CREB5: variants seen among roughly 807,000 people sequenced by gnomAD.
CREB5 encodes cyclic AMP-responsive element-binding protein 5.
A neutral mutation model predicts 57.1 loss-of-function variants in CREB5; 19 were observed. The observed-to-expected ratio is 0.33, with a 90% CI of 0.23 to 0.49. The LOEUF (loss-of-function observed/expected upper bound fraction) is 0.49, where lower values mean the gene tolerates loss of function less well. CREB5 is among the 20% of genes least tolerant of loss of function. CREB5 has a pLI of 0.99. For synonymous variants in CREB5, 238 were observed against 238.3 expected (o/e 1.00, Z 0.01); for missense variants, 579 against 671.6 (o/e 0.86, Z 1.52).
intron 5 of CREB5, among the ~76,000 whole-genome samples, chr7:28,591,054 C>T (rs1165707189): frequency 6.6e-6 from 1 of 152,124 alleles, no homozygotes; most frequent in Non-Finnish European, 1.5e-5. Context: ...CCCTGTTCCC[C>T]ACTGTTTTAA....
intron 5 of CREB5, among the ~76,000 whole-genome samples, chr7:28,604,186 T>G (rs916118786): frequency 6.6e-6 from 1 of 152,164 alleles, no homozygotes; most frequent in African/African-American, 2.4e-5. Context: ...CAAGAACTAT[T>G]TGTGAAGTAT....
intron 5 of CREB5, 80 bp downstream of exon 5, chr7:28,570,617 C>T: frequency 6.6e-7 from 1 of 1,505,756 alleles, no homozygotes; most frequent in Non-Finnish European, 9.0e-7. Context: ...GTTTCTGGTG[C>T]TCAGATTGGT....
chr7:28,575,546 A>G (rs780360530), intron 5 of CREB5, among the ~76,000 whole-genome samples: 1 of 152,218 alleles, frequency 6.6e-6, no homozygotes, highest in Non-Finnish European at 1.5e-5. Context: ...CCACAGGCTA[A>G]TGCTGGGGAT....
At chr7:28,322,426 T>C (rs1785509837) in intron 1 of CREB5, among the ~76,000 whole-genome samples, 1 of 152,146 alleles carries the variant, frequency 6.6e-6, no homozygotes, top group African/African-American at 2.4e-5. Flanking sequence ...TTAAATTTAA[T>C]TTTTTTATTT....
rs769732103 is a variant in CREB5 at position 28,809,228 on chromosome 7, A to G, written c.1068A>G (p.Ile356Met). The G allele has an allele frequency of 1.2e-6, 2 of 1,614,028 alleles. No homozygotes were observed. Among genetic ancestry groups the G allele is most frequent in the Non-Finnish European group, 8.5e-7 (1 of 1,179,974 alleles). The change falls in exon 9 of 11, where the codon ATA becomes ATG. Residue 356 changes from isoleucine (I) to methionine (M), a missense_variant. Physicochemically the swap from Ile to Met is conservative, Grantham distance 10. Transcript: ENST00000357727. ...AACAGATGCAGCCAACCCAGACAAT[A>G]CAGCCACCCCAGCCCACAGGGGGGC... The part of the protein sequence containing the change: ...ATQQMQPTQT[I>M]QPPQPTGGRR...
At chr7:28,462,334 T>C (rs975028404) in intron 1 of CREB5, among the ~76,000 whole-genome samples, 1 of 152,238 alleles carries the variant, frequency 6.6e-6, no homozygotes, top group African/African-American at 2.4e-5. Flanking sequence ...ATTTGGGTTA[T>C]TTCTACTTTT....
At chr7:28,568,222 T>C (rs1239180148) in intron 4 of CREB5, among the ~76,000 whole-genome samples, 1 of 152,198 alleles carries the variant, frequency 6.6e-6, no homozygotes, top group African/African-American at 2.4e-5. Context: ...GAGAGTCATA[T>C]GTCTTATATT....
intron 5 of CREB5, among the ~76,000 whole-genome samples, chr7:28,689,909 GGTGTGTGTGTGTGTGT>G (rs34310030): frequency 7.1e-6 from 1 of 141,668 alleles, no homozygotes; most frequent in Non-Finnish European, 1.5e-5. Flanking sequence ...ACTTGTATTT[GGTGTGTGTGTGTGTGT>G]GTGTGTGTGT....
At chr7:28,605,206 AAG>A (rs1797084637) in intron 5 of CREB5, among the ~76,000 whole-genome samples, 1 of 152,240 alleles carries the variant, frequency 6.6e-6, no homozygotes, top group Non-Finnish European at 1.5e-5. Context: ...TGACAAGAAA[AAG>A]AAAGTATTCA....
chr7:28,320,803 T>G (rs1011002390), intron 1 of CREB5, among the ~76,000 whole-genome samples: 1 of 152,226 alleles, frequency 6.6e-6, no homozygotes, highest in Non-Finnish European at 1.5e-5. Flanking sequence ...AGACAATTCT[T>G]AAGTTAAGAA....
At chr7:28,324,516 C>T (rs531569768) in intron 1 of CREB5, among the ~76,000 whole-genome samples, 16 of 152,246 alleles carry the variant, frequency 1.1e-4, no homozygotes, top group African/African-American at 3.4e-4. Context: ...GTTTTTCTCC[C>T]ACCTCACTAG....
At chr7:28,348,868 C>G (rs1428328149) in intron 1 of CREB5, among the ~76,000 whole-genome samples, 1 of 152,186 alleles carries the variant, frequency 6.6e-6, no homozygotes, top group African/African-American at 2.4e-5. Flanking sequence ...GCCTGGCTCA[C>G]CAGGCAGCTG....
At chr7:28,750,599 A>G (rs556255304) in intron 7 of CREB5, among the ~76,000 whole-genome samples, 1 of 105,490 alleles carries the variant, frequency 9.5e-6, no homozygotes, top group South Asian at 2.9e-4. Flanking sequence ...TACGAAATAT[A>G]TCACTTTTTT....
chr7:28,819,177 G>T lies in CREB5; in HGVS notation c.1425G>T (p.Gln475His). ...CTTGCTCCCAGCAACAAGTCATCCA[G>T]CATAATACCATCACTACTTCCTCAT... ...VPACSQQQVI[Q>H]HNTITTSSSV... The change falls in exon 11 of 11, where the codon CAG becomes CAT. Residue 475 changes from glutamine (Q) to histidine (H), a missense_variant. Physicochemically the swap from Gln to His is conservative, Grantham distance 24. Coordinates refer to ENST00000357727, the MANE Select transcript of CREB5 (RefSeq NM_182898.4). The T allele has an allele frequency of 6.2e-7, 1 of 1,613,770 alleles. No individual in the cohort carries two copies. The highest frequency in any genetic ancestry group is 1.1e-5 in the South Asian group (1 of 91,066).
At chr7:28,417,106 T>C (rs1387185689) in intron 1 of CREB5, among the ~76,000 whole-genome samples, 1 of 152,162 alleles carries the variant, frequency 6.6e-6, no homozygotes, top group Non-Finnish European at 1.5e-5. Context: ...CTTCTCTGCC[T>C]CAGTTTCTTC....
At chr7:28,519,131 T>C (rs1372904034) in intron 4 of CREB5, among the ~76,000 whole-genome samples, 32 of 152,162 alleles carry the variant, frequency 2.1e-4, no homozygotes, top group Admixed American at 2.0e-3. Flanking sequence ...CAGAGACAAT[T>C]ACACCGTTGT....
At chr7:28,365,027 CCTGAATCTCAG>C (rs1786559003) in intron 1 of CREB5, among the ~76,000 whole-genome samples, 1 of 152,108 alleles carries the variant, frequency 6.6e-6, no homozygotes, top group Non-Finnish European at 1.5e-5. Context: ...CATTCAACAC[CCTGAATCTCAG>C]CTCCTTAGCT....
In CREB5 at chr7:28,745,018, GAA is replaced by G. The variant is rs1447522759; in HGVS notation, c.702+20688_702+20689del. Among the ~76,000 whole-genome samples the G allele has an allele frequency of 2.6e-5, 4 of 152,198 alleles. 1 individual carries two copies. Among genetic ancestry groups the G allele is most frequent in the Admixed American group, 1.3e-4 (2 of 15,288 alleles). ...AGAGGTGCCCAGGGTACAAATATAG[GAA>G]AGAGCTTGCTCTTGGCTGTCTGCAT... On this transcript the variant is annotated intron_variant, in intron 7 of 10. Coordinates refer to ENST00000357727, the MANE Select transcript of CREB5 (RefSeq NM_182898.4).
chr7:28,675,557 C>A (rs1026098854), intron 5 of CREB5, among the ~76,000 whole-genome samples: 49 of 152,192 alleles, frequency 3.2e-4, no homozygotes, highest in Middle Eastern at 3.4e-3. Context: ...AAAGGGGAGA[C>A]GAGAGAGAAA....
Sources: allele counts gnomAD v4.1 joint callset (sites outside exome capture counted in the v4.1 genomes callset), GRCh38; gene constraint gnomAD v4.1.1; transcripts MANE v1.5; gene names NCBI Gene and HGNC (gene_info 2026-07-23, HGNC 2026-07-21).